SOX5: variants seen among roughly 807,000 people sequenced by gnomAD.
SOX5 encodes the protein transcription factor SOX-5.
In SOX5, 9 loss-of-function variants were observed where a neutral mutation model predicts 92.0. That is an observed-to-expected ratio of 0.10 (90% CI 0.06 to 0.17). The LOEUF (loss-of-function observed/expected upper bound fraction) is 0.17, where lower values mean the gene tolerates loss of function less well. SOX5 is among the 10% of genes least tolerant of loss of function. SOX5 has a pLI of 1.00. For synonymous variants in SOX5, 344 were observed against 336.3 expected, an observed-to-expected ratio of 1.02 and a Z score of -0.25; for missense variants, 642 against 944.5, an observed-to-expected ratio of 0.68 and a Z score of 4.20.
intron 3 of SOX5, among the ~76,000 whole-genome samples, chr12:24,219,332 C>A (rs370918698): frequency 6.6e-5 from 10 of 151,966 alleles, no homozygotes; most frequent in African/African-American, 2.4e-4. Context: ...CACAAAGAAA[C>A]GATAATTGCT....
At chr12:24,378,564 T>C (rs1455003413) in intron 1 of SOX5, among the ~76,000 whole-genome samples, 1 of 152,186 alleles carries the variant, frequency 6.6e-6, no homozygotes, top group South Asian at 2.1e-4. Flanking sequence ...TTCATTCCCA[T>C]ATTTACATAT....
chr12:23,950,816 A>G (rs1945496696), upstream of SOX5: 5 of 1,501,054 alleles, frequency 3.3e-6, no homozygotes, highest in Admixed American at 9.8e-5. Flanking sequence ...CAGGTAATGT[A>G]CCTTTGACAC....
At chr12:23,840,424 G>C (rs1419313569) in intron 3 of SOX5, among the ~76,000 whole-genome samples, 1 of 152,024 alleles carries the variant, frequency 6.6e-6, no homozygotes, top group African/African-American at 2.4e-5. Flanking sequence ...TGATCTAGAG[G>C]TATAACACAA....
chr12:23,708,902 G>A (rs1056386146), intron 6 of SOX5, among the ~76,000 whole-genome samples: 1 of 151,926 alleles, frequency 6.6e-6, no homozygotes, highest in Non-Finnish European at 1.5e-5. Context: ...GTATTTCAGC[G>A]ACTGAATGTT....
chr12:24,446,630 G>A (rs1457056126), intron 1 of SOX5, among the ~76,000 whole-genome samples: 1 of 152,210 alleles, frequency 6.6e-6, no homozygotes, highest in East Asian at 1.9e-4. Flanking sequence ...TCAGAGGACT[G>A]ACTCTATAGT....
chr12:24,440,999 T>C (rs1940470301), intron 1 of SOX5, among the ~76,000 whole-genome samples: 1 of 152,186 alleles, frequency 6.6e-6, no homozygotes. Context: ...ATTCTCCTCT[T>C]ACCAAATAAT....
At chr12:24,215,947 C>T (rs1303071244) in intron 3 of SOX5, among the ~76,000 whole-genome samples, 1 of 152,076 alleles carries the variant, frequency 6.6e-6, no homozygotes, top group Admixed American at 6.6e-5. Flanking sequence ...AGAAATAAAC[C>T]GATACATTTG....
chr12:24,330,531 C>T (rs1951187769), intron 2 of SOX5, among the ~76,000 whole-genome samples: 1 of 152,176 alleles, frequency 6.6e-6, no homozygotes, highest in Admixed American at 6.5e-5. Context: ...GTGTCCTTGA[C>T]AACCCTCAAT....
At position 23,533,029 on chromosome 12, in the gene SOX5, T is replaced by TATTA; in HGVS notation, c.*1186_*1189dup. 1 of 324,552 alleles carries TATTA rather than the reference T, an allele frequency of 3.1e-6. No individual in the cohort carries two copies. The highest frequency in any genetic ancestry group is 6.4e-6 in the Non-Finnish European group (1 of 155,132). The allele number at this position is 324,552 out of a possible 1,614,324, so 20.1% of individuals were successfully genotyped here. A position where few individuals can be genotyped will look rare whatever the true frequency, so the allele number is the denominator to read the frequency against. On this transcript the variant is annotated 3_prime_UTR_variant, in exon 15 of 15. Transcript: ENST00000451604. ...CTTCCATGTTATACATGCACACCTCTATTACACAGGGCCACCTGATCCATC... is the reference window on the plus strand; with the variant it reads ...CTTCCATGTTATACATGCACACCTCTATTAATTACACAGGGCCACCTGATCCATC...
intron 4 of SOX5, among the ~76,000 whole-genome samples, chr12:24,035,926 T>G (rs1424268355): frequency 6.6e-6 from 1 of 152,064 alleles, no homozygotes; most frequent in Non-Finnish European, 1.5e-5. Flanking sequence ...TCTCTGTTCC[T>G]TTCAGAAATG....
At chr12:23,961,071 T>C (rs961884016) in intron 4 of SOX5, among the ~76,000 whole-genome samples, 4 of 152,312 alleles carry the variant, frequency 2.6e-5, no homozygotes, top group African/African-American at 7.2e-5. Flanking sequence ...GTTCTTCAAA[T>C]TGAGATCTGC....
chr12:23,843,403 A>T lies in SOX5; in HGVS notation c.481+2580T>A, dbSNP rs181843749. Among the ~76,000 whole-genome samples, 804 of 152,188 alleles carry T rather than the reference A, an allele frequency of 5.3e-3. 4 individuals are homozygous for T. The highest frequency in any genetic ancestry group is 0.018 in the African/African-American group (764 of 41,538). The stretch of plus-strand genomic sequence containing the variant: ...TAATGTAAGATGTTAATAAGAGAGG[A>T]GACTGTATACGGATGGAATACATGG... On this transcript the variant is annotated intron_variant, in intron 3 of 14. Transcript: ENST00000451604.
intron 1 of SOX5, among the ~76,000 whole-genome samples, chr12:24,414,361 A>G (rs1011056337): frequency 7.9e-5 from 12 of 151,940 alleles, no homozygotes; most frequent in Non-Finnish European, 1.6e-4. Flanking sequence ...CCATTGGGGG[A>G]AAAAAAATCA....
At chr12:23,958,157 G>A (rs577557238) in intron 4 of SOX5, among the ~76,000 whole-genome samples, 14 of 151,970 alleles carry the variant, frequency 9.2e-5, no homozygotes, top group Admixed American at 5.2e-4. Flanking sequence ...AATACTCTTC[G>A]TGGTACAGAA....
At chr12:23,653,025 C>T (rs1442296489) in intron 7 of SOX5, among the ~76,000 whole-genome samples, 5 of 91,250 alleles carry the variant, frequency 5.5e-5, no homozygotes, top group African/African-American at 2.2e-4. Flanking sequence ...GATGAATGTA[C>T]AGATAGATGG....
chr12:23,614,702 T>G (rs1374423841), intron 8 of SOX5, among the ~76,000 whole-genome samples: 1 of 152,246 alleles, frequency 6.6e-6, no homozygotes, highest in Admixed American at 6.5e-5. Context: ...TAATGTGGTA[T>G]CTTCATGTTT....
intron 4 of SOX5, among the ~76,000 whole-genome samples, chr12:24,144,470 G>A (rs759103859): frequency 1.1e-4 from 17 of 152,006 alleles, no homozygotes; most frequent in South Asian, 4.1e-4. Flanking sequence ...ATTATGTAGC[G>A]CTGCATTTAC....
chr12:23,807,647 T>A (rs1425969946), intron 3 of SOX5, among the ~76,000 whole-genome samples: 1 of 151,384 alleles, frequency 6.6e-6, no homozygotes, highest in Non-Finnish European at 1.5e-5. Flanking sequence ...ATTCCATTTT[T>A]TTTTTTTTTT....
intron 1 of SOX5, among the ~76,000 whole-genome samples, chr12:24,534,599 A>G (rs1280838799): frequency 6.6e-6 from 1 of 152,232 alleles, no homozygotes; most frequent in East Asian, 1.9e-4. Context: ...GAAAAGAGAA[A>G]GCATAACATC....
Sources: allele counts gnomAD v4.1 joint callset (sites outside exome capture counted in the v4.1 genomes callset), GRCh38; gene constraint gnomAD v4.1.1; transcripts MANE v1.5; gene names NCBI Gene and HGNC (gene_info 2026-07-23, HGNC 2026-07-21).